Variants in ST6GALNAC3 observed in about 807,000 individuals in gnomAD.
ST6GALNAC3 encodes the protein ST6 N-acetylgalactosaminide alpha-2,6-sialyltransferase 3.
ST6GALNAC3 carries 25 observed loss-of-function variants against 32.7 expected under a neutral mutation model. That is an observed-to-expected ratio of 0.76 (90% CI 0.56 to 1.07). The LOEUF (loss-of-function observed/expected upper bound fraction) is 1.07, where lower values mean the gene tolerates loss of function less well. Among genes scored for constraint, ST6GALNAC3 ranks in the 50% least tolerant of loss-of-function variants. The pLI is 0.00. For synonymous variants in ST6GALNAC3, 129 were observed against 133.1 expected (o/e 0.97, Z 0.21); for missense variants, 355 against 382.4 (o/e 0.93, Z 0.60).
intron 1 of ST6GALNAC3, among the ~76,000 whole-genome samples, chr1:76,124,486 G>T (rs2100845737): frequency 6.6e-6 from 1 of 152,236 alleles, no homozygotes; most frequent in South Asian, 2.1e-4. Flanking sequence ...CCCTGGTTGG[G>T]GATGTGCCGC....
chr1:76,449,147 A>G (rs1441512164), intron 3 of ST6GALNAC3, among the ~76,000 whole-genome samples: 2 of 152,198 alleles, frequency 1.3e-5, no homozygotes, highest in Non-Finnish European at 2.9e-5. Context: ...CATTGTGAAA[A>G]TGGACTAATG....
chr1:76,180,937 C>T (rs1653139713), intron 1 of ST6GALNAC3, among the ~76,000 whole-genome samples: 1 of 152,224 alleles, frequency 6.6e-6, no homozygotes, highest in Admixed American at 6.5e-5. Flanking sequence ...GGCCCTCTGC[C>T]CTTGCAAAAA....
chr1:76,469,352 C>G (rs575360780), intron 3 of ST6GALNAC3, among the ~76,000 whole-genome samples: 4 of 152,116 alleles, frequency 2.6e-5, no homozygotes, highest in Admixed American at 6.6e-5. Flanking sequence ...CAGGACCTAG[C>G]ACAATGTCTT....
intron 1 of ST6GALNAC3, among the ~76,000 whole-genome samples, chr1:76,282,976 T>G (rs975097137): frequency 6.6e-6 from 1 of 151,672 alleles, no homozygotes; most frequent in African/African-American, 2.4e-5. Flanking sequence ...GAGGTGGAGG[T>G]TGCAGTAAGC....
chr1:76,188,249 T>A (rs7534199), intron 1 of ST6GALNAC3, among the ~76,000 whole-genome samples: 1 of 152,022 alleles, frequency 6.6e-6, no homozygotes, highest in Non-Finnish European at 1.5e-5. Context: ...GTAATCCCAG[T>A]TACTCAGGAG....
chr1:76,552,547 G>C (rs908753483), intron 3 of ST6GALNAC3, among the ~76,000 whole-genome samples: 1 of 152,132 alleles, frequency 6.6e-6, no homozygotes, highest in Non-Finnish European at 1.5e-5. Flanking sequence ...TCTTGAATGA[G>C]TTGTTACTGC....
chr1:76,559,797 G>A (rs998441426), intron 3 of ST6GALNAC3, among the ~76,000 whole-genome samples: 12 of 152,218 alleles, frequency 7.9e-5, no homozygotes, highest in South Asian at 4.2e-4. Flanking sequence ...TGCTGATGCC[G>A]CCTCTCTCCC....
intron 1 of ST6GALNAC3, among the ~76,000 whole-genome samples, chr1:76,285,503 A>G (rs184245322): frequency 2.0e-4 from 31 of 152,292 alleles, no homozygotes; most frequent in African/African-American, 6.5e-4. Flanking sequence ...AAATGTTTTA[A>G]TCTTTTTTAA....
chr1:76,258,485 G>C (rs1426655730), intron 1 of ST6GALNAC3, among the ~76,000 whole-genome samples: 1 of 152,246 alleles, frequency 6.6e-6, no homozygotes, highest in East Asian at 1.9e-4. Context: ...AGAGCCATCA[G>C]GGTTTCAGTT....
intron 3 of ST6GALNAC3, among the ~76,000 whole-genome samples, chr1:76,487,133 A>G (rs1031905889): frequency 6.6e-6 from 1 of 152,088 alleles, no homozygotes; most frequent in Admixed American, 6.5e-5. Context: ...GGGTAACCCG[A>G]CCTTTCTCTC....
At chr1:76,605,963 G>A (rs1260327468) in intron 3 of ST6GALNAC3, among the ~76,000 whole-genome samples, 1 of 145,642 alleles carries the variant, frequency 6.9e-6, no homozygotes, top group Admixed American at 6.9e-5. Flanking sequence ...GTAAAAAACA[G>A]TTCAACATCA....
chr1:76,081,764 A>G (rs1339103894), intron 1 of ST6GALNAC3, among the ~76,000 whole-genome samples: 2 of 152,126 alleles, frequency 1.3e-5, no homozygotes, highest in Admixed American at 1.3e-4. Flanking sequence ...GGCCCTTCCA[A>G]GGTTCTGGGA....
intron 3 of ST6GALNAC3, among the ~76,000 whole-genome samples, chr1:76,432,274 C>A (rs771454865): frequency 5.3e-5 from 8 of 152,192 alleles, no homozygotes; most frequent in South Asian, 2.1e-4. Context: ...TACTGAAGGA[C>A]ATCTTGGTTG....
intron 3 of ST6GALNAC3, among the ~76,000 whole-genome samples, chr1:76,504,265 T>G (rs765691886): frequency 3.9e-5 from 6 of 152,158 alleles, no homozygotes; most frequent in Non-Finnish European, 8.8e-5. Flanking sequence ...CTTCTTCACA[T>G]GGAATTTCCC....
chr1:76,288,649 G>A (rs1281387873), intron 1 of ST6GALNAC3, among the ~76,000 whole-genome samples: 1 of 152,214 alleles, frequency 6.6e-6, no homozygotes, highest in Non-Finnish European at 1.5e-5. Context: ...TCTCCAAGAA[G>A]AGGGCAGGAT....
At chr1:76,412,452 A>G in intron 3 of ST6GALNAC3, 35 bp downstream of exon 3, 1 of 1,541,576 alleles carries the variant, frequency 6.5e-7, no homozygotes, top group Non-Finnish European at 8.7e-7. Context: ...ATTGTCTTTT[A>G]TTATCTTTTA....
intron 1 of ST6GALNAC3, among the ~76,000 whole-genome samples, chr1:76,312,248 C>A (rs994104779): frequency 1.3e-5 from 2 of 152,042 alleles, no homozygotes; most frequent in African/African-American, 4.8e-5. Context: ...GAAACTGGAC[C>A]CCTTCCTTAT....
intron 1 of ST6GALNAC3, among the ~76,000 whole-genome samples, chr1:76,101,416 G>A (rs1261146209): frequency 2.0e-5 from 3 of 151,968 alleles, no homozygotes; most frequent in East Asian, 3.9e-4. Flanking sequence ...TCCTACTGAA[G>A]GCCAGCTTGG....
In ST6GALNAC3 at chr1:76,627,544, A is replaced by G. The variant is rs1349865812; in HGVS notation, c.716A>G (p.Asn239Ser). The G allele has an allele frequency of 1.2e-6, 2 of 1,611,920 alleles. No individual in the cohort carries two copies. The highest frequency in any genetic ancestry group is 1.6e-4 in the Middle Eastern group (1 of 6,078). The change falls in exon 4 of 5, where the codon AAT becomes AGT. Residue 239 changes from asparagine (N) to serine (S), a missense_variant. Transcript: ENST00000328299. ...CYGIHVYGMI[N>S]DTYCKTEGYR... is the part of the protein sequence containing the mutation. ...GGCATTCACGTCTACGGGATGATAA[A>G]TGACACCTACTGCAAGTAAGATCAC... is the stretch of plus-strand genomic sequence containing the variant.
Sources: allele counts gnomAD v4.1 joint callset (sites outside exome capture counted in the v4.1 genomes callset), GRCh38; gene constraint gnomAD v4.1.1; transcripts MANE v1.5; gene names NCBI Gene and HGNC (gene_info 2026-07-23, HGNC 2026-07-21).